Variants in NELL2 observed in about 807,000 individuals in gnomAD.
The protein encoded by NELL2 is neural EGFL like 2.
Under a neutral mutation model 109.6 loss-of-function variants are expected in NELL2, and 41 were observed. That is an observed-to-expected ratio of 0.37 (90% confidence interval 0.29 to 0.49). The LOEUF is 0.49. Among genes scored for constraint, NELL2 ranks in the 20% least tolerant of loss-of-function variants. The pLI is 0.98. For synonymous variants in NELL2, 355 were observed against 344.7 expected, an observed-to-expected ratio of 1.03 and a Z score of -0.33; for missense variants, 900 against 1,008.3, an observed-to-expected ratio of 0.89 and a Z score of 1.45.
chr12:44,692,903 C>T (rs1043308958), intron 12 of NELL2, among the ~76,000 whole-genome samples: 4 of 152,174 alleles, frequency 2.6e-5, no homozygotes, highest in African/African-American at 9.6e-5. Context: ...GAAATCTACT[C>T]CTGGTAAAGA....
At chr12:44,780,253 A>G (rs1447369221) in intron 3 of NELL2, among the ~76,000 whole-genome samples, 1 of 152,080 alleles carries the variant, frequency 6.6e-6, no homozygotes, top group Non-Finnish European at 1.5e-5. Context: ...ATTTTGTGTC[A>G]TATATCCTGG....
At chr12:44,685,579 C>T (rs113139593) in intron 12 of NELL2, among the ~76,000 whole-genome samples, 4,381 of 152,146 alleles carry the variant, frequency 0.029, 189 homozygotes, top group African/African-American at 0.097. Flanking sequence ...ATGTTTAGCG[C>T]TTCCTTCAGG....
chr12:44,592,910 T>G (rs545071730), intron 15 of NELL2, among the ~76,000 whole-genome samples: 1 of 152,322 alleles, frequency 6.6e-6, no homozygotes, highest in South Asian at 2.1e-4. Context: ...ATGGGATCTC[T>G]ATTTCATTTT....
intron 9 of NELL2, among the ~76,000 whole-genome samples, chr12:44,773,747 A>C (rs1941641624): frequency 6.6e-6 from 1 of 152,228 alleles, no homozygotes; most frequent in Admixed American, 6.5e-5. Flanking sequence ...AGGCTAATAC[A>C]GTCTTATGAG....
intron 1 of NELL2, among the ~76,000 whole-genome samples, chr12:44,908,789 T>C (rs1218851248): frequency 1.3e-5 from 2 of 152,154 alleles, no homozygotes; most frequent in East Asian, 3.9e-4. Flanking sequence ...TTTTGCCTTT[T>C]ACAGAGTGCT....
chr12:44,907,788 T>C lies in NELL2; in HGVS notation c.38+6011A>G, dbSNP rs115794263. On this transcript the variant is annotated intron_variant, in intron 1 of 20. Transcript: ENST00000333837. ...GATAACCATTAGAGAGGGAAACCAG[T>C]GATTGGAGAAAAACAAGGGAAAATC... Among the ~76,000 whole-genome samples, 737 of 152,152 alleles carry C rather than the reference T, an allele frequency of 4.8e-3. 6 individuals carry two copies. Among genetic ancestry groups the C allele is most frequent in the African/African-American group, 0.017 (694 of 41,532 alleles).
intron 13 of NELL2, among the ~76,000 whole-genome samples, chr12:44,628,442 G>T (rs1382743414): frequency 1.3e-5 from 2 of 152,168 alleles, no homozygotes; most frequent in Non-Finnish European, 2.9e-5. Flanking sequence ...TGAGATCAAG[G>T]TGTTGAAATA....
At chr12:44,754,860 T>G (rs187378881) in intron 9 of NELL2, among the ~76,000 whole-genome samples, 197 of 152,326 alleles carry the variant, frequency 1.3e-3, no homozygotes, top group Admixed American at 2.5e-3. Context: ...TGAAAAGCAC[T>G]GCAAACCCAC....
chr12:44,706,629 T>C (rs1937895026), intron 11 of NELL2, among the ~76,000 whole-genome samples: 1 of 152,156 alleles, frequency 6.6e-6, no homozygotes, highest in African/African-American at 2.4e-5. Context: ...AATGTGAGGT[T>C]CCAATGAAAT....
intron 16 of NELL2, among the ~76,000 whole-genome samples, chr12:44,524,325 G>C (rs550103265): frequency 1.3e-5 from 2 of 152,046 alleles, no homozygotes; most frequent in African/African-American, 4.8e-5. Context: ...ATTTACCCCC[G>C]TAATTTAAAG....
intron 9 of NELL2, among the ~76,000 whole-genome samples, chr12:44,764,730 T>G (rs1941259961): frequency 6.6e-6 from 1 of 152,168 alleles, no homozygotes; most frequent in African/African-American, 2.4e-5. Flanking sequence ...CATCTGTAAA[T>G]TGGGAGCCAT....
chr12:44,686,694 C>T (rs1224168001), intron 12 of NELL2, among the ~76,000 whole-genome samples: 1 of 151,918 alleles, frequency 6.6e-6, no homozygotes, highest in African/African-American at 2.4e-5. Flanking sequence ...TCAGTCTGCC[C>T]CTGCTGGGGG....
At chr12:44,654,530 A>C (rs985632928) in intron 13 of NELL2, among the ~76,000 whole-genome samples, 4 of 152,280 alleles carry the variant, frequency 2.6e-5, no homozygotes, top group African/African-American at 9.6e-5. Flanking sequence ...TTTCTAACCA[A>C]TAGTTTACAG....
chr12:44,666,581 T>C (rs887717875), intron 12 of NELL2, among the ~76,000 whole-genome samples: 2 of 152,216 alleles, frequency 1.3e-5, no homozygotes, highest in Admixed American at 6.5e-5. Context: ...AGCCCAACTA[T>C]GTTCCCCGCC....
chr12:44,568,734 C>T (rs965593821), intron 15 of NELL2, among the ~76,000 whole-genome samples: 2 of 151,878 alleles, frequency 1.3e-5, no homozygotes, highest in South Asian at 2.1e-4. Flanking sequence ...TGTGTACATA[C>T]ATATTTTATA....
chr12:44,745,511 G>C (rs146638037), intron 9 of NELL2, among the ~76,000 whole-genome samples: 1 of 152,142 alleles, frequency 6.6e-6, no homozygotes, highest in Non-Finnish European at 1.5e-5. Context: ...AAGTCAAATT[G>C]TCCCTGTTTG....
rs577667545 is a variant in NELL2 at position 44,669,222 on chromosome 12, C to T, written c.1319-3613G>A. Among the ~76,000 whole-genome samples, 19 of 152,090 alleles carry T rather than the reference C, an allele frequency of 1.2e-4. No homozygotes were observed. In the East Asian group the frequency reaches 2.3e-3, roughly 19 times the overall value. On this transcript the variant is annotated intron_variant, in intron 12 of 19. Transcript: ENST00000429094. The stretch of plus-strand genomic sequence containing the variant: ...AAAGCATCTTACTAAACCAACAATA[C>T]GTACACATCTATAGAAAAAAGTCTT...
chr12:44,745,194 G>C (rs986478105), intron 9 of NELL2, among the ~76,000 whole-genome samples: 3 of 152,072 alleles, frequency 2.0e-5, no homozygotes, highest in Non-Finnish European at 4.4e-5. Context: ...CGGAACCAAA[G>C]ACAAAAACCA....
upstream of NELL2, among the ~76,000 whole-genome samples, chr12:44,918,710 G>A (rs1242495328): frequency 6.6e-6 from 1 of 152,066 alleles, no homozygotes; most frequent in African/African-American, 2.4e-5. Context: ...GCTCACTGAT[G>A]GTTTTATGTC....
Sources: gnomAD v4.1 joint callset for allele counts (sites outside exome capture counted in the v4.1 genomes callset) on GRCh38, gnomAD v4.1.1 for gene constraint, MANE v1.5 for transcripts, NCBI Gene and HGNC (gene_info 2026-07-23, HGNC 2026-07-21) for gene names.